SNX24: variants seen among roughly 807,000 people sequenced by gnomAD.
The protein encoded by SNX24 is sorting nexin-24.
SNX24 carries 22 observed loss-of-function variants against 28.7 expected under a neutral mutation model. That is an observed-to-expected ratio of 0.77 (90% CI 0.55 to 1.10). SNX24 has a LOEUF of 1.10. Ranked by LOEUF, SNX24 falls within the 50% of genes least tolerant of loss-of-function variation. The pLI, the probability that SNX24 is intolerant of heterozygous loss-of-function variation, is 0.00. For missense variants in SNX24, 221 were observed against 201.1 expected (o/e 1.10, Z -0.60); for synonymous variants, 69 against 71.5 (o/e 0.96, Z 0.18).
At chr5:123,002,687 G>T (rs1359663791) in intron 6 of SNX24, among the ~76,000 whole-genome samples, 1 of 152,184 alleles carries the variant, frequency 6.6e-6, no homozygotes, top group African/African-American at 2.4e-5. Context: ...ATCTTTGATG[G>T]CAAACTATAT....
At chr5:122,942,944 C>G (rs1170622558) in intron 2 of SNX24, among the ~76,000 whole-genome samples, 1 of 152,072 alleles carries the variant, frequency 6.6e-6, no homozygotes, top group East Asian at 1.9e-4. Context: ...GCTAGATCTT[C>G]TAAATTTTTT....
At position 123,008,961 on chromosome 5, in the gene SNX24, A is replaced by G; in HGVS notation, c.*1212A>G. 1.0e-6 allele frequency: 1 copy of G among 985,696 alleles called. No individual in the cohort carries two copies. Among genetic ancestry groups the G allele is most frequent in the Non-Finnish European group, 1.2e-6 (1 of 829,780 alleles). The allele number at this position is 985,696 out of a possible 1,614,324, so 61.1% of individuals were successfully genotyped here. Reference sequence around the variant, plus strand: ...TCGTTTTAGTAAGTTCTGTGGGAGCAAGGTATTTAAAATCAAAACTAATAA... The same window carrying G: ...TCGTTTTAGTAAGTTCTGTGGGAGCGAGGTATTTAAAATCAAAACTAATAA... On this transcript the variant is annotated 3_prime_UTR_variant, in exon 7 of 7. Transcript: ENST00000261369.
chr5:122,846,153 A>G (rs1287246991), intron 1 of SNX24, among the ~76,000 whole-genome samples: 4 of 152,096 alleles, frequency 2.6e-5, no homozygotes, highest in Non-Finnish European at 5.9e-5. Flanking sequence ...TTATTAGCCA[A>G]ACTAAACACG....
At chr5:122,905,644 T>G (rs1757615835) in intron 1 of SNX24, among the ~76,000 whole-genome samples, 1 of 152,208 alleles carries the variant, frequency 6.6e-6, no homozygotes, top group African/African-American at 2.4e-5. Flanking sequence ...GGATAAAGGA[T>G]ATTCAGCCTG....
downstream of SNX24, among the ~76,000 whole-genome samples, chr5:123,013,493 A>G (rs139272776): frequency 2.6e-3 from 398 of 152,368 alleles, 1 homozygote; most frequent in African/African-American, 9.2e-3. Flanking sequence ...TCAAAACCAA[A>G]ATGTCTGCAA....
chr5:122,886,837 A>C (rs1232268240), intron 1 of SNX24, among the ~76,000 whole-genome samples: 1 of 152,032 alleles, frequency 6.6e-6, no homozygotes, highest in African/African-American at 2.4e-5. Flanking sequence ...CTCAAAAAAA[A>C]AAAAATTATT....
At chr5:122,990,661 C>T in intron 3 of SNX24, among the ~76,000 whole-genome samples, 1 of 152,164 alleles carries the variant, frequency 6.6e-6, no homozygotes. Context: ...TCTCCTAAGG[C>T]TGTCTGTAGG....
intron 1 of SNX24, among the ~76,000 whole-genome samples, chr5:122,872,843 C>A (rs536382875): frequency 1.3e-5 from 2 of 151,960 alleles, no homozygotes; most frequent in African/African-American, 4.8e-5. Context: ...CAGTTCCCAC[C>A]GAGACCCATT....
At chr5:122,945,644 T>C (rs1302431663) in intron 2 of SNX24, among the ~76,000 whole-genome samples, 1 of 152,236 alleles carries the variant, frequency 6.6e-6, no homozygotes. Flanking sequence ...TTGCATTTTG[T>C]TTTGATTTCT....
chr5:122,845,725 G>A (rs1365195633), intron 1 of SNX24, 32 bp downstream of exon 1: 2 of 1,308,790 alleles, frequency 1.5e-6, no homozygotes, highest in African/African-American at 1.5e-5. Flanking sequence ...ACAGGGCCCC[G>A]CGAGCCAGGC....
intron 3 of SNX24, among the ~76,000 whole-genome samples, chr5:122,988,516 C>A (rs901110835): frequency 1.3e-5 from 2 of 152,162 alleles, no homozygotes; most frequent in African/African-American, 2.4e-5. Context: ...GCTGTTAAAT[C>A]ATCATAAAAT....
intron 1 of SNX24, among the ~76,000 whole-genome samples, chr5:122,908,157 T>G (rs1757728396): frequency 6.6e-6 from 1 of 152,218 alleles, no homozygotes; most frequent in Admixed American, 6.5e-5. Context: ...AGCTCTTGTG[T>G]ACGGGGAGCA....
At chr5:122,937,389 A>G (rs1434515610) in intron 2 of SNX24, among the ~76,000 whole-genome samples, 1 of 152,198 alleles carries the variant, frequency 6.6e-6, no homozygotes, top group East Asian at 1.9e-4. Flanking sequence ...ACTTCTTTAA[A>G]AGTCTTAGAT....
chr5:122,909,169 C>G (rs1001083593), intron 1 of SNX24, among the ~76,000 whole-genome samples: 7 of 152,094 alleles, frequency 4.6e-5, no homozygotes, highest in African/African-American at 1.4e-4. Flanking sequence ...CAGTTAGACT[C>G]TTCATTACCA....
intron 3 of SNX24, 41 bp from the exon 4 acceptor site, chr5:122,999,871 A>G (rs772399016): frequency 7.5e-6 from 9 of 1,196,400 alleles, no homozygotes; most frequent in Non-Finnish European, 1.1e-5. Context: ...TCACCTAGCA[A>G]ACTTCACTTC....
At chr5:122,898,868 G>A (rs1009698120) in intron 1 of SNX24, among the ~76,000 whole-genome samples, 3 of 152,168 alleles carry the variant, frequency 2.0e-5, no homozygotes, top group Non-Finnish European at 4.4e-5. Flanking sequence ...TCCTAAGCCG[G>A]CAGGCCAAAT....
chr5:122,913,136 A>G lies in SNX24; in HGVS notation c.61-23598A>G, dbSNP rs537326580. Among the ~76,000 whole-genome samples the G allele has an allele frequency of 4.6e-5, 7 of 152,330 alleles. No homozygotes were observed. The South Asian group carries it at 1.4e-3, about 32-fold the overall frequency. On this transcript the variant is annotated intron_variant, in intron 1 of 6. Transcript: ENST00000261369. ...GTCTTTCTACACAGACACAGCAACCATCCGATTTCTCAATCTTTTCCCCAC... is the reference window on the plus strand; with the variant it reads ...GTCTTTCTACACAGACACAGCAACCGTCCGATTTCTCAATCTTTTCCCCAC...
chr5:122,851,739 A>G (rs1474517197), intron 1 of SNX24, among the ~76,000 whole-genome samples: 1 of 152,150 alleles, frequency 6.6e-6, no homozygotes, highest in Non-Finnish European at 1.5e-5. Context: ...AAATAGAACA[A>G]TTTAATAAAC....
At chr5:122,960,110 C>T (rs1760421933) in intron 3 of SNX24, among the ~76,000 whole-genome samples, 1 of 152,194 alleles carries the variant, frequency 6.6e-6, no homozygotes, top group African/African-American at 2.4e-5. Flanking sequence ...ACTTGATTTC[C>T]TTCCCCATGA....
Sources: allele counts gnomAD v4.1 joint callset (sites outside exome capture counted in the v4.1 genomes callset), GRCh38; gene constraint gnomAD v4.1.1; transcripts MANE v1.5; gene names NCBI Gene and HGNC (gene_info 2026-07-23, HGNC 2026-07-21).